The following SETBP1 variants were observed in gnomAD, a reference collection of about 807,000 sequenced individuals.
SETBP1 encodes the protein SET binding protein 1, also known as SET-binding protein.
A neutral mutation model predicts 101.0 loss-of-function variants in SETBP1; 9 were observed. The ratio of observed to expected loss-of-function variants is 0.09; its 90% CI spans 0.05 to 0.16. SETBP1 has a LOEUF of 0.16. SETBP1 is among the 10% of genes least tolerant of loss of function. The probability of loss-of-function intolerance (pLI) is 1.00; values close to 1 mark genes in which losing one functional copy is unlikely to be tolerated. For synonymous variants in SETBP1, 818 were observed against 788.5 expected, an observed-to-expected ratio of 1.04 and a Z score of -0.63; for missense variants, 1,858 against 2,033.8, an observed-to-expected ratio of 0.91 and a Z score of 1.66.
At chr18:44,782,539 G>T (rs552832920) in intron 2 of SETBP1, among the ~76,000 whole-genome samples, 1 of 152,290 alleles carries the variant, frequency 6.6e-6, no homozygotes, top group Non-Finnish European at 1.5e-5. Flanking sequence ...AAGTTTCCTG[G>T]CTGTATGGAA....
At chr18:44,723,190 T>TC (rs2069637050) in intron 2 of SETBP1, among the ~76,000 whole-genome samples, 1 of 152,204 alleles carries the variant, frequency 6.6e-6, no homozygotes, top group South Asian at 2.1e-4. Context: ...AAGTGGGTAA[T>TC]CTTGCCTTTT....
intron 2 of SETBP1, among the ~76,000 whole-genome samples, chr18:44,842,631 A>G (rs1242523852): frequency 1.3e-5 from 2 of 152,208 alleles, no homozygotes; most frequent in Non-Finnish European, 2.9e-5. Context: ...CATGGTCTAC[A>G]GATTCGCAAA....
At chr18:45,009,542 A>G (rs2072796142) in intron 4 of SETBP1, among the ~76,000 whole-genome samples, 1 of 151,620 alleles carries the variant, frequency 6.6e-6, no homozygotes, top group African/African-American at 2.4e-5. Flanking sequence ...AGTCTGATTC[A>G]TTATCATTCA....
Position 44,950,499 on chromosome 18 carries a change from G to T in SETBP1, c.1159G>T (p.Val387Leu). 6.2e-7 allele frequency: 1 copy of T among 1,613,912 alleles called. No homozygotes were observed. Among genetic ancestry groups the T allele is most frequent in the Non-Finnish European group, 8.5e-7 (1 of 1,179,848 alleles). Residue 387 changes from valine to leucine, a missense_variant, in exon 4 of 6, where the codon GTG becomes TTG. By Grantham distance (32) the Val-to-Leu change is conservative. Coordinates refer to ENST00000649279, the MANE Select transcript of SETBP1 (RefSeq NM_015559.3). Reference sequence around the variant, plus strand: ...AGAGGCATCACCAGCCAGGCAGAACGTGAGTTCTGCCAGTAATCCTGAAAA... The same window carrying T: ...AGAGGCATCACCAGCCAGGCAGAACTTGAGTTCTGCCAGTAATCCTGAAAA... ...AQEASPARQN[V>L]SSASNPENDS...
Position 44,701,386 on chromosome 18 carries a change from G to T in SETBP1, c.40G>T (p.Gly14Trp). The T allele has an allele frequency of 6.5e-7, 1 of 1,545,948 alleles. No individual in the cohort carries two copies. The highest frequency in any genetic ancestry group is 8.7e-7 in the Non-Finnish European group (1 of 1,143,246). ...RETLSSSRQR[G>W]GESDFLPVSS... ...AACCTTAAGCAGCTCCCGGCAAAGA[G>T]GGGGCGAGTCAGACTTCCTGCCGGT... Residue 14 changes from glycine (G) to tryptophan (W), a missense_variant, in exon 2 of 6, where the codon GGG (glycine) becomes TGG (tryptophan). Around this residue, in one of 12 missense-constraint regions of SETBP1, gnomAD observed 97 missense variants for 101.2 expected, o/e 0.96. Transcript: ENST00000649279.
intron 2 of SETBP1, among the ~76,000 whole-genome samples, chr18:44,773,852 G>GTGTGTGTGTGTGTGTGTGTT: frequency 6.6e-6 from 1 of 151,094 alleles, no homozygotes; most frequent in Admixed American, 6.6e-5. Flanking sequence ...GTGTGTGTGT[G>GTGTGTGTGTGTGTGTGTGTT]TGTGTGTGTG....
At chr18:44,827,360 G>A (rs1397934253) in intron 2 of SETBP1, among the ~76,000 whole-genome samples, 2 of 152,124 alleles carry the variant, frequency 1.3e-5, no homozygotes, top group African/African-American at 2.4e-5. Context: ...TTAGAGACAC[G>A]CTTGTGTTAT....
At chr18:44,999,000 G>A (rs117474269) in intron 4 of SETBP1, among the ~76,000 whole-genome samples, 2,672 of 152,288 alleles carry the variant, frequency 0.018, 31 homozygotes, top group Non-Finnish European at 0.028. Context: ...ATGTAGAACC[G>A]TCTGGTTCTT....
chr18:44,785,631 A>G (rs1803909796), intron 2 of SETBP1, among the ~76,000 whole-genome samples: 2 of 152,172 alleles, frequency 1.3e-5, no homozygotes, highest in South Asian at 4.1e-4. Context: ...TCTCCCCATT[A>G]GAGAACAAGT....
intron 4 of SETBP1, among the ~76,000 whole-genome samples, chr18:45,020,603 T>C (rs936863021): frequency 6.6e-6 from 1 of 152,074 alleles, no homozygotes; most frequent in Non-Finnish European, 1.5e-5. Flanking sequence ...AAATGCAGAA[T>C]CAGAAGGAAT....
At chr18:44,863,131 A>G (rs751464659) in intron 2 of SETBP1, among the ~76,000 whole-genome samples, 14 of 152,058 alleles carry the variant, frequency 9.2e-5, no homozygotes, top group Non-Finnish European at 1.9e-4. Context: ...TGTGGTCCCA[A>G]TGGATTTGTG....
intron 2 of SETBP1, among the ~76,000 whole-genome samples, chr18:44,838,538 C>T (rs1398931953): frequency 1.3e-5 from 2 of 152,176 alleles, no homozygotes; most frequent in Admixed American, 6.5e-5. Context: ...CTGGCCAAAG[C>T]TAGGTAGCCC....
chr18:45,010,013 C>A (rs2072806044), intron 4 of SETBP1, among the ~76,000 whole-genome samples: 1 of 152,160 alleles, frequency 6.6e-6, no homozygotes, highest in Non-Finnish European at 1.5e-5. Context: ...CTGGGAGGTT[C>A]TGTTACTGAG....
intron 2 of SETBP1, among the ~76,000 whole-genome samples, chr18:44,758,153 C>T (rs1274480324): frequency 6.6e-6 from 1 of 152,116 alleles, no homozygotes; most frequent in Admixed American, 6.6e-5. Flanking sequence ...AGAGGTTAGT[C>T]TGGACATAGA....
At chr18:44,859,157 T>C (rs1024039209) in intron 2 of SETBP1, among the ~76,000 whole-genome samples, 21 of 152,114 alleles carry the variant, frequency 1.4e-4, no homozygotes, top group African/African-American at 5.1e-4. Context: ...TTCATAGCAG[T>C]GTATAGTACA....
intron 4 of SETBP1, among the ~76,000 whole-genome samples, chr18:44,983,642 C>T (rs1409303366): frequency 1.3e-5 from 2 of 152,122 alleles, no homozygotes; most frequent in East Asian, 3.9e-4. Context: ...TGAGTAACAC[C>T]AGAAATGGTA....
At chr18:45,000,710 A>G (rs1168011800) in intron 4 of SETBP1, among the ~76,000 whole-genome samples, 1 of 152,010 alleles carries the variant, frequency 6.6e-6, no homozygotes, top group Non-Finnish European at 1.5e-5. Flanking sequence ...GTTGTAAGGG[A>G]ATATGATGAA....
chr18:44,802,975 AT>A (rs1417151575), intron 2 of SETBP1, among the ~76,000 whole-genome samples: 4 of 152,102 alleles, frequency 2.6e-5, no homozygotes, highest in Non-Finnish European at 5.9e-5. Context: ...TCTGTGGGTC[AT>A]TTGGGCCTGG....
At chr18:44,752,856 T>C (rs911162932) in intron 2 of SETBP1, among the ~76,000 whole-genome samples, 3 of 152,182 alleles carry the variant, frequency 2.0e-5, no homozygotes, top group Admixed American at 1.3e-4. Flanking sequence ...CCTTCTGGAA[T>C]TGGATGCCCA....
Sources: gnomAD v4.1 joint callset for allele counts (sites outside exome capture counted in the v4.1 genomes callset) on GRCh38, gnomAD v4.1.1 for gene constraint, gnomAD v4.1.1 regional missense constraint, MANE v1.5 for transcripts, NCBI Gene and HGNC (gene_info 2026-07-23, HGNC 2026-07-21) for gene names.